DRAM1: variants seen among roughly 807,000 people sequenced by gnomAD.
The protein encoded by DRAM1 is DNA damage regulated autophagy modulator 1.
Under a neutral mutation model 28.5 loss-of-function variants are expected in DRAM1, and 25 were observed. That is an observed-to-expected ratio of 0.88 (90% CI 0.64 to 1.23). DRAM1 has a LOEUF of 1.23. Ranked by LOEUF, DRAM1 falls within the 50% of genes most tolerant of loss-of-function variation. The pLI is 0.00. For synonymous variants in DRAM1, 113 were observed against 114.2 expected, an observed-to-expected ratio of 0.99 and a Z score of 0.07; for missense variants, 249 against 299.2, an observed-to-expected ratio of 0.83 and a Z score of 1.24.
chr12:101,915,307 A>G (rs1045812154), intron 5 of DRAM1, among the ~76,000 whole-genome samples: 2 of 151,986 alleles, frequency 1.3e-5, no homozygotes, highest in Non-Finnish European at 2.9e-5. Context: ...CACTTCAACT[A>G]TCTATCTTTA....
intron 1 of DRAM1, among the ~76,000 whole-genome samples, chr12:101,887,043 G>A (rs1419970171): frequency 1.3e-5 from 2 of 151,810 alleles, no homozygotes; most frequent in Admixed American, 1.3e-4. Flanking sequence ...TACTCGGGAG[G>A]CTGAGGCAGG....
In DRAM1 at chr12:101,920,111, TTA is replaced by T; in HGVS notation, c.584_585del (p.Tyr195CysfsTer10). Reference sequence around the variant, plus strand: ...CTGTTTCTTTATTATTGCATTAGGATTATGTATATCACGTAGTGAGTGCGATC... The same window carrying T: ...CTGTTTCTTTATTATTGCATTAGGATTGTATATCACGTAGTGAGTGCGATC... ...KLEWNPREKD[Y>X]VYHVVSAICE... On this transcript the variant is annotated frameshift_variant, in exon 6 of 7. Transcript: ENST00000258534. LOFTEE classifies it high-confidence loss of function. 6.3e-7 allele frequency: 1 copy of T among 1,596,026 alleles called. No homozygotes were observed. Among genetic ancestry groups the T allele is most frequent in the Non-Finnish European group, 8.5e-7 (1 of 1,171,156 alleles).
At position 101,877,592 on chromosome 12, in the gene DRAM1, C is replaced by CA; in HGVS notation, c.-197dup. 3.3e-6 allele frequency: 1 copy of CA among 304,034 alleles called. No homozygotes were observed. The highest frequency in any genetic ancestry group is 1.5e-4 in the South Asian group (1 of 6,456). 18.8% of individuals were successfully genotyped at this position (304,034 alleles called of 1,614,324 possible). A position where few individuals can be genotyped will look rare whatever the true frequency, so the allele number is the denominator to read the frequency against. Reference sequence around the variant, plus strand: ...CCGCGCCCCACCCACTCTGGCCCGGCAGCCTCGCCGCCCGCAGCCTCGCTC... The same window carrying CA: ...CCGCGCCCCACCCACTCTGGCCCGGCAAGCCTCGCCGCCCGCAGCCTCGCTC... On this transcript the variant is annotated 5_prime_UTR_variant, in exon 1 of 7. Coordinates refer to ENST00000258534, the MANE Select transcript of DRAM1 (RefSeq NM_018370.3). The surrounding 1 kb of genome is among the most constrained non-coding windows in gnomAD (Gnocchi z 4.1).
intron 3 of DRAM1, among the ~76,000 whole-genome samples, chr12:101,904,598 C>T (rs566450473): frequency 2.6e-5 from 4 of 151,666 alleles, no homozygotes; most frequent in South Asian, 2.1e-4. Flanking sequence ...CCCGCCACCA[C>T]GCCCGGCTAA....
chr12:101,898,741 A>G (rs1215502347), intron 2 of DRAM1, among the ~76,000 whole-genome samples: 3 of 152,224 alleles, frequency 2.0e-5, no homozygotes, highest in Non-Finnish European at 2.9e-5. Flanking sequence ...GTTTCTCACT[A>G]AAGTTTGAGG....
intron 4 of DRAM1, 90 bp downstream of exon 4, chr12:101,908,453 G>A (rs1017902412): frequency 3.5e-5 from 46 of 1,312,614 alleles, no homozygotes; most frequent in African/African-American, 8.9e-5. Flanking sequence ...TATAGGGACC[G>A]CTGCAATGAG....
intron 1 of DRAM1, among the ~76,000 whole-genome samples, chr12:101,893,189 A>G (rs1426934874): frequency 3.3e-5 from 5 of 152,240 alleles, no homozygotes; most frequent in African/African-American, 1.2e-4. Context: ...ATGTCTTCTC[A>G]TCACCATGCT....
intron 5 of DRAM1, among the ~76,000 whole-genome samples, chr12:101,916,066 G>C (rs1156923813): frequency 6.6e-6 from 1 of 152,220 alleles, no homozygotes; most frequent in Non-Finnish European, 1.5e-5. Context: ...AATCAAAGAT[G>C]ACTTCTAAGT....
chr12:101,879,508 T>C (rs973945672), intron 1 of DRAM1, among the ~76,000 whole-genome samples: 1 of 152,186 alleles, frequency 6.6e-6, no homozygotes. Context: ...CTTAAACTCC[T>C]GGGCTCAAGC....
chr12:101,878,996 A>T (rs202091429), intron 1 of DRAM1, among the ~76,000 whole-genome samples: 17 of 151,294 alleles, frequency 1.1e-4, no homozygotes, highest in Middle Eastern at 6.8e-3. Flanking sequence ...ATTTTTTAAA[A>T]TTTTTTTTAT....
chr12:101,881,064 A>G (rs1018148398), intron 1 of DRAM1, among the ~76,000 whole-genome samples: 1 of 152,190 alleles, frequency 6.6e-6, no homozygotes, highest in African/African-American at 2.4e-5. Flanking sequence ...GTGCAGCAAC[A>G]AGATGTGGAT....
chr12:101,919,619 C>T (rs906090251), intron 5 of DRAM1, among the ~76,000 whole-genome samples: 4 of 152,156 alleles, frequency 2.6e-5, no homozygotes, highest in Non-Finnish European at 5.9e-5. Context: ...CCTGAATGAT[C>T]ATTTCTATAT....
chr12:101,877,740 G>C lies in DRAM1; in HGVS notation c.-50G>C. The stretch of plus-strand genomic sequence containing the variant: ...CCTCCAGGCAGCCCGGAGCAACCCG[G>C]CGCCCGGCCCCGCTGGGCGCAGCAC... On this transcript the variant is annotated 5_prime_UTR_variant, in exon 1 of 7. Transcript: ENST00000258534. The surrounding 1 kb of genome is among the most constrained non-coding windows in gnomAD (Gnocchi z 4.1). 5 of 1,363,596 alleles carry C rather than the reference G, an allele frequency of 3.7e-6. No individual in the cohort carries two copies. Among genetic ancestry groups the C allele is most frequent in the Non-Finnish European group, 4.7e-6 (5 of 1,054,608 alleles). The allele number at this position is 1,363,596 out of a possible 1,614,324, so 84.5% of individuals were successfully genotyped here.
At position 101,887,604 on chromosome 12, in the gene DRAM1, C is replaced by T. The variant is rs192855228; in HGVS notation, c.131+9684C>T. ...GGAGTGCAGTGTTGCAATCTCGGTT[C>T]GCTGCAACCTCTGCCTCCTGGGCTC... is the stretch of plus-strand genomic sequence containing the variant. On this transcript the variant is annotated intron_variant, in intron 1 of 6. Transcript: ENST00000258534. 1.1e-3 allele frequency among the ~76,000 whole-genome samples: 164 copies of T among 149,562 alleles called. 3 individuals carry two copies. The highest frequency in any genetic ancestry group is 0.01 in the Middle Eastern group (3 of 290).
At chr12:101,895,181 T>C (rs903504665) in intron 1 of DRAM1, among the ~76,000 whole-genome samples, 9 of 135,912 alleles carry the variant, frequency 6.6e-5, no homozygotes, top group African/African-American at 2.0e-4. Context: ...TTCGAAACCC[T>C]TCAGGTTTTT....
chr12:101,888,764 C>CT (rs1326058451), intron 1 of DRAM1, among the ~76,000 whole-genome samples: 2 of 145,856 alleles, frequency 1.4e-5, no homozygotes, highest in African/African-American at 5.1e-5. Flanking sequence ...TGATGCAGGG[C>CT]TGATGACTTT....
rs1338241286 is a variant in DRAM1 at position 101,923,455 on chromosome 12, C to T, written c.*2195C>T. The T allele has an allele frequency of 6.6e-6, 1 of 152,158 alleles. No individual in the cohort carries two copies. Among genetic ancestry groups the T allele is most frequent in the Non-Finnish European group, 1.5e-5 (1 of 68,024 alleles). 9.4% of individuals were successfully genotyped at this position (152,158 alleles called of 1,614,324 possible). A position where few individuals can be genotyped will look rare whatever the true frequency, so the allele number is the denominator to read the frequency against. ...TGTAATGCCACAATGAACAGAGTGCCTCCTGGTACACTGTAGGAGCTTAAG... is the reference window on the plus strand; with the variant it reads ...TGTAATGCCACAATGAACAGAGTGCTTCCTGGTACACTGTAGGAGCTTAAG... On this transcript the variant is annotated 3_prime_UTR_variant, in exon 7 of 7. Transcript: ENST00000258534.
chr12:101,896,618 C>G (rs1431209959), intron 1 of DRAM1, among the ~76,000 whole-genome samples: 1 of 152,008 alleles, frequency 6.6e-6, no homozygotes, highest in African/African-American at 2.4e-5. Flanking sequence ...AAAAAAAGAA[C>G]ATGTCAAACA....
At chr12:101,919,455 C>T (rs1249709382) in intron 5 of DRAM1, among the ~76,000 whole-genome samples, 1 of 152,180 alleles carries the variant, frequency 6.6e-6, no homozygotes, top group African/African-American at 2.4e-5. Context: ...CCTCCATAGG[C>T]AACTGAGTTT....
Sources: gnomAD v4.1 joint callset for allele counts (sites outside exome capture counted in the v4.1 genomes callset) on GRCh38, gnomAD v4.1.1 for gene constraint, Gnocchi (gnomAD v3.1) non-coding constraint, MANE v1.5 for transcripts, NCBI Gene and HGNC (gene_info 2026-07-23, HGNC 2026-07-21) for gene names.